The following SHMT1 variants were observed in gnomAD, a reference collection of about 807,000 sequenced individuals.
The protein encoded by SHMT1 is serine hydroxymethyltransferase 1.
Under a neutral mutation model 49.0 loss-of-function variants are expected in SHMT1, and 45 were observed. The ratio of observed to expected loss-of-function variants is 0.92; its 90% CI spans 0.72 to 1.18. The LOEUF (loss-of-function observed/expected upper bound fraction) is 1.18. Among genes scored for constraint, SHMT1 ranks in the 50% most tolerant of loss-of-function variants. The probability of loss-of-function intolerance (pLI) is 0.00; values close to 1 mark genes in which losing one functional copy is unlikely to be tolerated. For missense variants in SHMT1, 541 were observed against 612.4 expected (o/e 0.88, Z 1.23); for synonymous variants, 232 against 246.6 (o/e 0.94, Z 0.55).
chr17:18,347,540 T>C lies in SHMT1; in HGVS notation c.475A>G (p.Lys159Glu). The change falls in exon 5 of 12, where the codon AAA becomes GAA. Residue 159 changes from lysine to glutamate, a missense_variant. By Grantham distance (56) the Lys-to-Glu change is moderately conservative. Coordinates refer to ENST00000316694, the MANE Select transcript of SHMT1 (RefSeq NM_004169.5). The part of the protein sequence containing the change: ...LTHGFMTDKK[K>E]ISATSIFFES... ...AAGAAGATGGACGTGGCAGAGATTT[T>C]CTTCTTGTCTGTCATGAACCCATGG... The C allele has an allele frequency of 1.2e-6, 2 of 1,614,174 alleles. No homozygotes were observed. Among genetic ancestry groups the C allele is most frequent in the Non-Finnish European group, 1.7e-6 (2 of 1,180,030 alleles).
At position 18,355,929 on chromosome 17, in the gene SHMT1, T is replaced by C. The variant is rs745903313; in HGVS notation, c.53A>G (p.His18Arg). The C allele has an allele frequency of 1.9e-6, 3 of 1,614,028 alleles. No individual in the cohort carries two copies. The highest frequency in any genetic ancestry group is 2.2e-5 in the East Asian group (1 of 44,898). ...GAGGGGTTGTGCCAGCATCTTGTCATGTGAGGACCACAGGTCAGCATCCTT... is the reference window on the plus strand; with the variant it reads ...GAGGGGTTGTGCCAGCATCTTGTCACGTGAGGACCACAGGTCAGCATCCTT... Reference protein sequence around the residue: ...AHKDADLWSSHDKMLAQPLKD... With the variant: ...AHKDADLWSSRDKMLAQPLKD... Residue 18 changes from histidine (H) to arginine (R), a missense_variant, in exon 2 of 12, where the codon CAT (histidine) becomes CGT (arginine). His to Arg is a conservative substitution (Grantham distance 29). Coordinates refer to ENST00000316694, the MANE Select transcript of SHMT1 (RefSeq NM_004169.5).
At chr17:18,349,751 T>A (rs1378609695) in intron 3 of SHMT1, among the ~76,000 whole-genome samples, 1 of 151,914 alleles carries the variant, frequency 6.6e-6, no homozygotes, top group Non-Finnish European at 1.5e-5. Context: ...CCCGGCGTAG[T>A]GGCTCACATT....
chr17:18,333,816 A>G (rs1268235364), intron 8 of SHMT1, among the ~76,000 whole-genome samples: 1 of 141,550 alleles, frequency 7.1e-6, no homozygotes, highest in Non-Finnish European at 1.6e-5. Flanking sequence ...TCTCACTCCC[A>G]TTGCCCAGGC....
chr17:18,336,671 G>GA (rs1266175461), intron 7 of SHMT1, among the ~76,000 whole-genome samples: 11 of 150,330 alleles, frequency 7.3e-5, no homozygotes, highest in East Asian at 2.0e-4. Context: ...CATCTCCGGG[G>GA]AAAAAAAAAG....
At chr17:18,330,471 G>C in intron 10 of SHMT1, 84 bp downstream of exon 10, 2 of 1,012,022 alleles carry the variant, frequency 2.0e-6, no homozygotes, top group Non-Finnish European at 3.2e-6. Context: ...TGTCCCCGGA[G>C]CCAATATATT....
Position 18,347,140 on chromosome 17 carries a change from G to A in SHMT1, c.519+356C>T, listed in dbSNP as rs115054233. On this transcript the variant is annotated intron_variant, in intron 5 of 11. Transcript: ENST00000316694. ...TCCGAGCAGAGATGTCACCAGGCGA[G>A]GGCAGAGCTGCAGAGGTGGTGGCTG... Among the ~76,000 whole-genome samples the A allele has an allele frequency of 4.2e-3, 639 of 152,338 alleles. 4 individuals are homozygous for A. The highest frequency in any genetic ancestry group is 0.015 in the African/African-American group (621 of 41,570).
At chr17:18,360,823 C>T (rs1338528441) in intron 1 of SHMT1, among the ~76,000 whole-genome samples, 1 of 151,960 alleles carries the variant, frequency 6.6e-6, no homozygotes, top group Non-Finnish European at 1.5e-5. Flanking sequence ...CACAGGACCA[C>T]AAGAGTCAAG....
intron 9 of SHMT1, 99 bp from the exon 10 acceptor site, chr17:18,330,770 G>A: frequency 1.2e-6 from 1 of 848,084 alleles, no homozygotes. Flanking sequence ...CAAAGCAGAT[G>A]AGGTCAGGAA....
chr17:18,347,938 A>C (rs1456656095), intron 4 of SHMT1, among the ~76,000 whole-genome samples: 2 of 130,452 alleles, frequency 1.5e-5, no homozygotes. Flanking sequence ...TTTTTTTGAG[A>C]TGGAGTTTCG....
intron 1 of SHMT1, among the ~76,000 whole-genome samples, chr17:18,356,417 C>T (rs903906287): frequency 2.6e-5 from 4 of 152,148 alleles, no homozygotes; most frequent in Admixed American, 6.6e-5. Context: ...CTCACTGCAA[C>T]CTCCGCCTCC....
rs1482867454 is a variant in SHMT1, at chr17:18,348,426, G to C, written c.257C>G (p.Thr86Ser). The C allele has an allele frequency of 6.2e-7, 1 of 1,612,712 alleles. No homozygotes were observed. Among genetic ancestry groups the C allele is most frequent in the Non-Finnish European group, 8.5e-7 (1 of 1,178,708 alleles). ...GYPGQRYYGG[T>S]EFIDELETLC... is the part of the protein sequence containing the mutation. ...GGTCTCCAGTTCATCAATAAACTCA[G>C]TCCCGCCATAGTATCTGTGGGAGAA... The change falls in exon 4 of 12, where the codon ACT (threonine) becomes AGT (serine). Residue 86 changes from threonine to serine, a missense_variant. Coordinates refer to ENST00000316694, the MANE Select transcript of SHMT1 (RefSeq NM_004169.5).
chr17:18,346,868 G>A (rs563430927), intron 5 of SHMT1, among the ~76,000 whole-genome samples: 4 of 152,288 alleles, frequency 2.6e-5, no homozygotes, highest in African/African-American at 7.2e-5. Context: ...CAGAATGGTC[G>A]TATGGGGGGC....
chr17:18,341,647 G>GA (rs34396945), intron 5 of SHMT1: 8,338 of 41,618 alleles, frequency 0.2, 1,595 homozygotes, highest in African/African-American at 0.39. Flanking sequence ...GACTCCATCT[G>GA]AAAAAAAAAA....
At chr17:18,355,580 G>T (rs1986164153) in intron 2 of SHMT1, among the ~76,000 whole-genome samples, 1 of 151,856 alleles carries the variant, frequency 6.6e-6, no homozygotes, top group Non-Finnish European at 1.5e-5. Flanking sequence ...TAAAATAAAG[G>T]TGCTTTCAGA....
intron 1 of SHMT1, among the ~76,000 whole-genome samples, chr17:18,359,584 G>A (rs2036277264): frequency 6.6e-6 from 1 of 151,808 alleles, no homozygotes; most frequent in African/African-American, 2.4e-5. Context: ...CCTCAGAGGT[G>A]GAGGCTGCAG....
rs540180023 is a variant in SHMT1 at position 18,349,910 on chromosome 17, T to C, written c.243-1470A>G. Reference sequence around the variant, plus strand: ...TGGTGCACGCCTGTATTCCCAGCTATTGAGGAGGCTGAGGTAGGAGAATTG... The same window carrying C: ...TGGTGCACGCCTGTATTCCCAGCTACTGAGGAGGCTGAGGTAGGAGAATTG... On this transcript the variant is annotated intron_variant, in intron 3 of 11. Transcript: ENST00000316694. Among the ~76,000 whole-genome samples the C allele has an allele frequency of 1.3e-4, 20 of 151,606 alleles. No homozygotes were observed. The East Asian group carries it at 3.9e-3, about 30-fold the overall frequency.
chr17:18,360,413 C>T (rs1986646980), intron 1 of SHMT1: 1 of 151,580 alleles, frequency 6.6e-6, no homozygotes, highest in Non-Finnish European at 1.5e-5. Flanking sequence ...CAAAAAATTA[C>T]CCGAGCCTGG....
chr17:18,330,486 A>G (rs1295174738), intron 10 of SHMT1, 69 bp downstream of exon 10: 44 of 1,108,670 alleles, frequency 4.0e-5, no homozygotes, highest in Non-Finnish European at 5.6e-5. Context: ...TATATTCATC[A>G]GCTACAACTT....
intron 9 of SHMT1, chr17:18,331,253 T>C (rs1396945399): frequency 4.8e-6 from 1 of 210,060 alleles, no homozygotes; most frequent in Non-Finnish European, 9.7e-6. Context: ...GGTAGTGCCT[T>C]GGGTGCTGAC....
Sources: gnomAD v4.1 joint callset for allele counts (sites outside exome capture counted in the v4.1 genomes callset) on GRCh38, gnomAD v4.1.1 for gene constraint, MANE v1.5 for transcripts, NCBI Gene and HGNC (gene_info 2026-07-23, HGNC 2026-07-21) for gene names.